The following CRPPA variants were observed in gnomAD, a reference collection of about 807,000 sequenced individuals.
CRPPA encodes the protein CDP-L-ribitol pyrophosphorylase A, also known as D-ribitol-5-phosphate cytidylyltransferase.
CRPPA carries 43 observed loss-of-function variants against 52.0 expected under a neutral mutation model. The observed-to-expected ratio is 0.83, with a 90% CI of 0.65 to 1.07. The LOEUF is 1.07. Among genes scored for constraint, CRPPA ranks in the 50% least tolerant of loss-of-function variants. CRPPA has a pLI of 0.00. For missense variants in CRPPA, 629 were observed against 551.7 expected, an observed-to-expected ratio of 1.14 and a Z score of -1.40; for synonymous variants, 250 against 203.5, an observed-to-expected ratio of 1.23 and a Z score of -1.94.
intron 3 of CRPPA, among the ~76,000 whole-genome samples, chr7:16,351,740 G>GATCATT (rs920191353): frequency 3.3e-5 from 5 of 152,052 alleles, no homozygotes; most frequent in Non-Finnish European, 7.4e-5. Flanking sequence ...TTAGAATGGC[G>GATCATT]ATCATTAAAA....
chr7:16,223,588 A>G (rs757466097), intron 8 of CRPPA, among the ~76,000 whole-genome samples: 3 of 152,182 alleles, frequency 2.0e-5, no homozygotes, highest in Non-Finnish European at 4.4e-5. Context: ...AAACTTAAGC[A>G]TATACTTTAC....
At chr7:16,377,203 A>C (rs1325043047) in intron 2 of CRPPA, among the ~76,000 whole-genome samples, 1 of 152,208 alleles carries the variant, frequency 6.6e-6, no homozygotes, top group East Asian at 1.9e-4. Flanking sequence ...GAGACGGTTT[A>C]TAAATTGTGT....
intron 9 of CRPPA, among the ~76,000 whole-genome samples, chr7:16,155,108 C>T (rs1783152641): frequency 6.6e-6 from 1 of 151,900 alleles, no homozygotes; most frequent in South Asian, 2.1e-4. Context: ...GGGTTAGCCG[C>T]CACCCCAGGC....
At chr7:16,163,426 G>A (rs1306996599) in intron 9 of CRPPA, among the ~76,000 whole-genome samples, 2 of 151,846 alleles carry the variant, frequency 1.3e-5, no homozygotes, top group Admixed American at 1.3e-4. Context: ...CATGAGATGG[G>A]TCTCCTTAAT....
intron 6 of CRPPA, among the ~76,000 whole-genome samples, chr7:16,262,259 A>T (rs1783830617): frequency 6.6e-6 from 1 of 152,170 alleles, no homozygotes; most frequent in Admixed American, 6.6e-5. Context: ...TGCCTTAGTC[A>T]TCTAAACACC....
chr7:16,244,910 AT>A (rs552755560), intron 8 of CRPPA, among the ~76,000 whole-genome samples: 1 of 152,172 alleles, frequency 6.6e-6, no homozygotes, highest in Non-Finnish European at 1.5e-5. Flanking sequence ...GAACAGACAT[AT>A]TTTTCTATAA....
intron 3 of CRPPA, among the ~76,000 whole-genome samples, chr7:16,340,147 C>T (rs970382758): frequency 5.3e-5 from 8 of 151,916 alleles, no homozygotes; most frequent in African/African-American, 1.9e-4. Flanking sequence ...AACTATAAAA[C>T]TCATAAAAGG....
chr7:16,242,866 G>A (rs1279688508), intron 8 of CRPPA, among the ~76,000 whole-genome samples: 2 of 152,140 alleles, frequency 1.3e-5, no homozygotes, highest in Non-Finnish European at 1.5e-5. Context: ...TTAAAAGACT[G>A]CATAGAATCA....
At chr7:16,374,310 C>T (rs1786824129) in intron 3 of CRPPA, among the ~76,000 whole-genome samples, 1 of 152,146 alleles carries the variant, frequency 6.6e-6, no homozygotes, top group African/African-American at 2.4e-5. Context: ...TGCCCTTGGA[C>T]ATCAGACAAC....
At chr7:16,096,559 G>A (rs1781938240) in intron 9 of CRPPA, among the ~76,000 whole-genome samples, 1 of 151,960 alleles carries the variant, frequency 6.6e-6, no homozygotes, top group South Asian at 2.1e-4. Context: ...CTTGAAGATA[G>A]TAAAAAAAAA....
intron 5 of CRPPA, among the ~76,000 whole-genome samples, chr7:16,284,347 C>G (rs948754281): frequency 2.0e-5 from 3 of 152,042 alleles, no homozygotes; most frequent in African/African-American, 7.2e-5. Context: ...TAAAAGACTA[C>G]ACTTGGAGAT....
intron 3 of CRPPA, among the ~76,000 whole-genome samples, chr7:16,335,121 A>G (rs1442008388): frequency 6.9e-6 from 1 of 145,340 alleles, no homozygotes; most frequent in African/African-American, 2.5e-5. Flanking sequence ...GGAGTTCAAG[A>G]CCAGCCTGGC....
chr7:16,381,799 G>C (rs1190488500), intron 2 of CRPPA, among the ~76,000 whole-genome samples: 4 of 151,942 alleles, frequency 2.6e-5, no homozygotes, highest in Admixed American at 2.0e-4. Context: ...TTTTATCAGA[G>C]ACTAGGATTG....
intron 5 of CRPPA, among the ~76,000 whole-genome samples, chr7:16,286,044 A>AAT (rs1175134468): frequency 0.076 from 944 of 12,476 alleles, 30 homozygotes; most frequent in Non-Finnish European, 0.088. Flanking sequence ...AAAAAATATA[A>AAT]ATATATATAT....
Position 16,091,783 on chromosome 7 carries a change from T to C in CRPPA, c.1268A>G (p.Gln423Arg). ...GATAGCACCTTGCCTTAAACTCTCC[T>C]GTAGCTTCTGATCATCCTGAAAAGA... ...ISYPQDDQKL[Q>R]ESLRQGAIII... Residue 423 changes from glutamine (Q) to arginine (R), a missense_variant, in exon 10 of 10, where the codon CAG (glutamine) becomes CGG (arginine). Coordinates refer to ENST00000407010, the MANE Select transcript of CRPPA (RefSeq NM_001101426.4). 1 of 1,529,914 alleles carries C rather than the reference T, an allele frequency of 6.5e-7. No homozygotes were observed. The highest frequency in any genetic ancestry group is 2.1e-5 in the Admixed American group (1 of 46,822). 94.8% of individuals were successfully genotyped at this position (1,529,914 alleles called of 1,614,324 possible).
At chr7:16,342,790 T>TTATAG (rs1554335243) in intron 3 of CRPPA, among the ~76,000 whole-genome samples, 2 of 33,524 alleles carry the variant, frequency 6.0e-5, no homozygotes, top group Non-Finnish European at 6.3e-5. Context: ...AAAATATATA[T>TTATAG]ATATATATCT....
At chr7:16,327,314 C>T (rs9655133) in intron 3 of CRPPA, among the ~76,000 whole-genome samples, 66 of 152,212 alleles carry the variant, frequency 4.3e-4, no homozygotes, top group African/African-American at 1.5e-3. Flanking sequence ...AATCCAAGGC[C>T]GGGCGCGGTG....
At chr7:16,223,005 A>G (rs932155966) in intron 8 of CRPPA, among the ~76,000 whole-genome samples, 4 of 152,100 alleles carry the variant, frequency 2.6e-5, no homozygotes, top group Non-Finnish European at 4.4e-5. Flanking sequence ...ACTCTTGTCA[A>G]TCTTGGCCAG....
At chr7:16,270,375 A>T (rs1488014492) in intron 6 of CRPPA, 2 of 152,166 alleles carry the variant, frequency 1.3e-5, no homozygotes, top group African/African-American at 4.8e-5. Flanking sequence ...ACAAAGAAAA[A>T]AATAGAGAAA....
Sources: allele counts gnomAD v4.1 joint callset (sites outside exome capture counted in the v4.1 genomes callset), GRCh38; gene constraint gnomAD v4.1.1; transcripts MANE v1.5; gene names NCBI Gene and HGNC (gene_info 2026-07-23, HGNC 2026-07-21).